The following KALRN variants were observed in gnomAD, a reference collection of about 807,000 sequenced individuals.
KALRN encodes the protein kalirin.
Under a neutral mutation model 353.7 loss-of-function variants are expected in KALRN, and 70 were observed. The ratio of observed to expected loss-of-function variants is 0.20; its 90% CI spans 0.16 to 0.24. The LOEUF is 0.24. Among genes scored for constraint, KALRN ranks in the 10% least tolerant of loss-of-function variants. The probability of loss-of-function intolerance (pLI) is 1.00; values close to 1 mark genes in which losing one functional copy is unlikely to be tolerated. For synonymous variants in KALRN, 1,391 were observed against 1,434.8 expected, an observed-to-expected ratio of 0.97 and a Z score of 0.69; for missense variants, 2,791 against 3,756.7, an observed-to-expected ratio of 0.74 and a Z score of 6.72.
intron 33 of KALRN, among the ~76,000 whole-genome samples, chr3:124,547,114 G>A (rs2069774202): frequency 1.3e-5 from 2 of 152,044 alleles, no homozygotes; most frequent in South Asian, 2.1e-4. Context: ...CGGGAGAGGA[G>A]CACCTCTTTT....
At chr3:124,081,076 C>T (rs1193615439) in intron 1 of KALRN, among the ~76,000 whole-genome samples, 1 of 152,164 alleles carries the variant, frequency 6.6e-6, no homozygotes, top group African/African-American at 2.4e-5. Flanking sequence ...TTTACCATCT[C>T]ATATACAAGA....
intron 34 of KALRN, among the ~76,000 whole-genome samples, chr3:124,620,507 T>C (rs1294590018): frequency 1.3e-5 from 2 of 152,252 alleles, no homozygotes; most frequent in African/African-American, 4.8e-5. Context: ...CAGCAAACTC[T>C]AGCAGAAGTA....
intron 56 of KALRN, among the ~76,000 whole-genome samples, chr3:124,701,370 C>G (rs1255186418): frequency 6.8e-6 from 1 of 147,366 alleles, no homozygotes; most frequent in South Asian, 2.2e-4. Context: ...ATAATTTTTT[C>G]TTTTTCTTTC....
chr3:124,559,749 C>T (rs2071715753), intron 33 of KALRN, among the ~76,000 whole-genome samples: 1 of 152,198 alleles, frequency 6.6e-6, no homozygotes, highest in Non-Finnish European at 1.5e-5. Flanking sequence ...TGCCTGACCC[C>T]TCAAACCATT....
At chr3:124,253,751 G>A (rs964908814) in intron 3 of KALRN, among the ~76,000 whole-genome samples, 5 of 152,304 alleles carry the variant, frequency 3.3e-5, no homozygotes, top group African/African-American at 9.6e-5. Context: ...AAGCACTAGG[G>A]ATTCCTGGTC....
intron 1 of KALRN, among the ~76,000 whole-genome samples, chr3:124,196,512 A>T (rs1313715465): frequency 6.6e-6 from 1 of 152,074 alleles, no homozygotes. Context: ...CATTTCCCTT[A>T]GAGCTTTTTT....
intron 10 of KALRN, among the ~76,000 whole-genome samples, chr3:124,377,236 G>A (rs1446108983): frequency 3.9e-5 from 6 of 152,072 alleles, no homozygotes; most frequent in Non-Finnish European, 8.8e-5. Context: ...AGATAATGTC[G>A]ATAAAGAACC....
intron 33 of KALRN, among the ~76,000 whole-genome samples, chr3:124,512,528 G>T (rs1228046937): frequency 6.6e-6 from 1 of 152,192 alleles, no homozygotes; most frequent in East Asian, 1.9e-4. Context: ...GCACACGCCT[G>T]TAATCCCAGC....
intron 1 of KALRN, among the ~76,000 whole-genome samples, chr3:124,112,150 A>G (rs1227889630): frequency 1.3e-5 from 2 of 152,050 alleles, no homozygotes; most frequent in Non-Finnish European, 2.9e-5. Context: ...CAAAAACACA[A>G]AAATTAGTCA....
chr3:124,152,672 C>T (rs1277263473), intron 1 of KALRN, among the ~76,000 whole-genome samples: 1 of 147,614 alleles, frequency 6.8e-6, no homozygotes, highest in Non-Finnish European at 1.5e-5. Flanking sequence ...AGGCTCACTG[C>T]AACCTCTGCT....
At chr3:124,211,402 A>G (rs2076885105) in intron 1 of KALRN, among the ~76,000 whole-genome samples, 1 of 152,246 alleles carries the variant, frequency 6.6e-6, no homozygotes, top group Non-Finnish European at 1.5e-5. Flanking sequence ...TGAAATAGTA[A>G]TATGAATCAT....
intron 14 of KALRN, among the ~76,000 whole-genome samples, chr3:124,420,384 G>A (rs570294839): frequency 1.6e-4 from 24 of 152,314 alleles, no homozygotes; most frequent in African/African-American, 5.1e-4. Flanking sequence ...CAACAAATCC[G>A]CATCAAGACT....
intron 47 of KALRN, among the ~76,000 whole-genome samples, chr3:124,670,599 T>G (rs73195550): frequency 0.028 from 4,242 of 152,290 alleles, 80 homozygotes; most frequent in East Asian, 0.078. Flanking sequence ...TGTTGAGGTA[T>G]GTACCTATCA....
Position 124,430,781 on chromosome 3 carries a change from AC to A in KALRN, c.2829+9del, listed in dbSNP as rs756674586. The stretch of plus-strand genomic sequence containing the variant: ...AGTTCCAACTGGCCATCGAGGTAAC[AC>A]CCAAATCTGGCTGCACTGTCCTCCC... On this transcript the variant is annotated splice_region_variant and intron_variant, in intron 16 of 59. Transcript: ENST00000682506. The A allele has an allele frequency of 6.2e-7, 1 of 1,613,408 alleles. No individual in the cohort carries two copies.
At chr3:124,528,649 G>A (rs1217153962) in intron 33 of KALRN, among the ~76,000 whole-genome samples, 1 of 152,154 alleles carries the variant, frequency 6.6e-6, no homozygotes, top group Non-Finnish European at 1.5e-5. Context: ...ACCATCTAAT[G>A]CTAAGGTTAG....
At position 124,531,763 on chromosome 3, in the gene KALRN, A is replaced by T. The variant is rs933604980; in HGVS notation, c.4936-31080A>T. ...TGAGAAACACCTCCCTGATCCAGTC[A>T]CTTCCCACCAGGACCTGCCTCCAAC... is the stretch of plus-strand genomic sequence containing the variant. On this transcript the variant is annotated intron_variant, in intron 33 of 59. Coordinates refer to ENST00000682506, the MANE Select transcript of KALRN (RefSeq NM_001388419.1). Among the ~76,000 whole-genome samples, 7 of 152,164 alleles carry T rather than the reference A, an allele frequency of 4.6e-5. 1 individual carries two copies. The highest frequency in any genetic ancestry group is 2.6e-4 in the Admixed American group (4 of 15,268).
intron 10 of KALRN, among the ~76,000 whole-genome samples, chr3:124,373,968 C>A (rs1343236488): frequency 6.6e-6 from 1 of 152,168 alleles, no homozygotes; most frequent in East Asian, 1.9e-4. Context: ...GTGGACCAAG[C>A]CCAGGGAGGT....
intron 10 of KALRN, among the ~76,000 whole-genome samples, chr3:124,371,399 G>A (rs919172182): frequency 6.6e-6 from 1 of 152,168 alleles, no homozygotes; most frequent in Admixed American, 6.5e-5. Context: ...AAACATGAGA[G>A]TGAAGACATA....
chr3:124,182,959 A>T (rs577812136), intron 1 of KALRN, among the ~76,000 whole-genome samples: 1 of 152,212 alleles, frequency 6.6e-6, no homozygotes, highest in Non-Finnish European at 1.5e-5. Context: ...AATATTGAGT[A>T]TTTGTATATT....
Sources: gnomAD v4.1 joint callset for allele counts (sites outside exome capture counted in the v4.1 genomes callset) on GRCh38, gnomAD v4.1.1 for gene constraint, MANE v1.5 for transcripts, NCBI Gene and HGNC (gene_info 2026-07-23, HGNC 2026-07-21) for gene names.